The following LY86 variants were observed in gnomAD, a reference collection of about 807,000 sequenced individuals.
The protein encoded by LY86 is lymphocyte antigen 86.
In LY86, 20 loss-of-function variants were observed where a neutral mutation model predicts 17.3. The observed-to-expected ratio is 1.15, with a 90% confidence interval of 0.81 to 1.68. The LOEUF is 1.68. Among genes scored for constraint, LY86 ranks in the 40% most tolerant of loss-of-function variants. The pLI, the probability that LY86 is intolerant of heterozygous loss-of-function variation, is 0.00. For synonymous variants in LY86, 74 were observed against 70.6 expected (o/e 1.05, Z -0.24); for missense variants, 200 against 191.9 (o/e 1.04, Z -0.25).
intron 3 of LY86, among the ~76,000 whole-genome samples, chr6:6,647,352 T>G (rs1045559636): frequency 6.6e-6 from 1 of 152,246 alleles, no homozygotes; most frequent in African/African-American, 2.4e-5. Context: ...ATCTCCCATC[T>G]CGAACAAAGA....
At chr6:6,605,011 TAGTA>T (rs1168261417) in intron 1 of LY86, among the ~76,000 whole-genome samples, 1 of 149,654 alleles carries the variant, frequency 6.7e-6, no homozygotes, top group African/African-American at 2.4e-5. Context: ...AGTCATTCAA[TAGTA>T]AGTAAAAGAC....
chr6:6,622,873 T>C (rs1304325457), intron 1 of LY86: 3 of 152,254 alleles, frequency 2.0e-5, no homozygotes, highest in Non-Finnish European at 4.4e-5. Flanking sequence ...ACATATGTAG[T>C]TGAGGTTCTA....
chr6:6,597,768 A>C (rs1561775289), intron 1 of LY86, among the ~76,000 whole-genome samples: 1 of 152,238 alleles, frequency 6.6e-6, no homozygotes, highest in East Asian at 1.9e-4. Flanking sequence ...AGTGGTAACC[A>C]ACACAGTGGC....
At chr6:6,628,642 T>A (rs559935236) in intron 3 of LY86, among the ~76,000 whole-genome samples, 1 of 152,206 alleles carries the variant, frequency 6.6e-6, no homozygotes, top group South Asian at 2.1e-4. Context: ...TGTTCCTACT[T>A]CTGCTGTAGT....
At chr6:6,606,208 C>T (rs1230337721) in intron 1 of LY86, among the ~76,000 whole-genome samples, 2 of 152,122 alleles carry the variant, frequency 1.3e-5, no homozygotes, top group African/African-American at 4.8e-5. Flanking sequence ...CTCTCCACCT[C>T]CCCACTAGAT....
intron 3 of LY86, among the ~76,000 whole-genome samples, chr6:6,639,575 G>A (rs1008818393): frequency 6.6e-6 from 1 of 152,278 alleles, no homozygotes; most frequent in Middle Eastern, 3.4e-3. Context: ...TCTAGAGGCT[G>A]CTGCGTTCCT....
At chr6:6,611,326 C>G (rs1237136909) in intron 1 of LY86, among the ~76,000 whole-genome samples, 1 of 152,200 alleles carries the variant, frequency 6.6e-6, no homozygotes. Context: ...CAGCCCAGTA[C>G]AAGGTTTTCA....
intron 3 of LY86, among the ~76,000 whole-genome samples, chr6:6,637,317 T>A (rs1439142073): frequency 1.3e-5 from 2 of 152,126 alleles, no homozygotes; most frequent in Non-Finnish European, 2.9e-5. Context: ...GGCCACATAC[T>A]GTTTTTTAAG....
chr6:6,640,242 C>G (rs142767291), intron 3 of LY86, among the ~76,000 whole-genome samples: 1 of 151,996 alleles, frequency 6.6e-6, no homozygotes, highest in African/African-American at 2.4e-5. Context: ...GGAGAGAAAA[C>G]CAGCTTCTAT....
At chr6:6,640,336 T>C (rs534365883) in intron 3 of LY86, among the ~76,000 whole-genome samples, 1 of 151,822 alleles carries the variant, frequency 6.6e-6, no homozygotes, top group East Asian at 1.9e-4. Flanking sequence ...GGGGCACAGA[T>C]TGCTTGAGCT....
At chr6:6,618,385 T>C (rs1324201556) in intron 1 of LY86, among the ~76,000 whole-genome samples, 1 of 152,108 alleles carries the variant, frequency 6.6e-6, no homozygotes, top group Non-Finnish European at 1.5e-5. Flanking sequence ...CCATGCAAGA[T>C]TCCTACTCCT....
chr6:6,627,834 C>A (rs1761820123), intron 3 of LY86, among the ~76,000 whole-genome samples: 1 of 152,182 alleles, frequency 6.6e-6, no homozygotes, highest in South Asian at 2.1e-4. Context: ...GGTTTAGGAA[C>A]TTGCACCAAG....
intron 3 of LY86, among the ~76,000 whole-genome samples, chr6:6,638,059 C>A (rs1210008174): frequency 6.6e-6 from 1 of 152,178 alleles, no homozygotes; most frequent in Non-Finnish European, 1.5e-5. Context: ...CTGAAAAAGT[C>A]ATTTTCCCTG....
In LY86 at chr6:6,599,816, A is replaced by G. The variant is rs76055866; in HGVS notation, c.136+10946A>G. On this transcript the variant is annotated intron_variant, in intron 1 of 4. Transcript: ENST00000230568. ...CCAATGTGTCCTAACCATGGTCACA[A>G]AGCCAGCCAGCCAGCAGCAGAGCCC... Among the ~76,000 whole-genome samples, 9 of 152,216 alleles carry G rather than the reference A, an allele frequency of 5.9e-5. No individual in the cohort carries two copies. In the East Asian group the frequency reaches 1.7e-3, roughly 29 times the overall value.
intron 1 of LY86, among the ~76,000 whole-genome samples, chr6:6,623,285 A>G (rs1210225775): frequency 6.6e-6 from 1 of 152,204 alleles, no homozygotes; most frequent in African/African-American, 2.4e-5. Flanking sequence ...GCTGAGACAC[A>G]GGCTGCTAAG....
intron 4 of LY86, among the ~76,000 whole-genome samples, chr6:6,651,814 C>T (rs942610326): frequency 6.6e-6 from 1 of 151,864 alleles, no homozygotes; most frequent in African/African-American, 2.4e-5. Context: ...CCAGCACTTT[C>T]GGAGGCCGAG....
At chr6:6,628,820 G>A (rs1290721304) in intron 3 of LY86, among the ~76,000 whole-genome samples, 1 of 152,204 alleles carries the variant, frequency 6.6e-6, no homozygotes, top group Non-Finnish European at 1.5e-5. Context: ...TATTGCATTT[G>A]CCTGTGAACA....
chr6:6,649,774 A>G (rs1762160372), intron 4 of LY86, 97 bp downstream of exon 4: 2 of 783,390 alleles, frequency 2.6e-6, no homozygotes, highest in Non-Finnish European at 4.3e-6. Flanking sequence ...AAGAAAGAAG[A>G]GAAGGAAAGA....
intron 1 of LY86, among the ~76,000 whole-genome samples, chr6:6,601,981 G>A (rs1181848248): frequency 1.3e-5 from 2 of 152,226 alleles, no homozygotes; most frequent in Non-Finnish European, 2.9e-5. Flanking sequence ...CTGGAAGCTA[G>A]GAACCGTAGA....
Sources: gnomAD v4.1 joint callset for allele counts (sites outside exome capture counted in the v4.1 genomes callset) on GRCh38, gnomAD v4.1.1 for gene constraint, MANE v1.5 for transcripts, NCBI Gene and HGNC (gene_info 2026-07-23, HGNC 2026-07-21) for gene names.